The following COL20A1 variants were observed in gnomAD, a reference collection of about 807,000 sequenced individuals.
The protein encoded by COL20A1 is collagen alpha-1(XX) chain.
A neutral mutation model predicts 152.9 loss-of-function variants in COL20A1; 164 were observed. The ratio of observed to expected loss-of-function variants is 1.07; its 90% CI spans 0.94 to 1.22. The LOEUF (loss-of-function observed/expected upper bound fraction) is 1.22. Ranked by LOEUF, COL20A1 falls within the 50% of genes most tolerant of loss-of-function variation. The pLI is 0.00. For synonymous variants in COL20A1, 864 were observed against 756.0 expected (o/e 1.14, Z -2.34); for missense variants, 1,873 against 1,744.8 (o/e 1.07, Z -1.31).
Position 63,333,361 on chromosome 20 carries a change from G to T in COL20A1, c.*2645G>T, listed in dbSNP as rs1273202835. 2 of 152,356 alleles carry T rather than the reference G, an allele frequency of 1.3e-5. No homozygotes were observed. The highest frequency in any genetic ancestry group is 2.9e-5 in the Non-Finnish European group (2 of 68,182). The allele number at this position is 152,356 out of a possible 1,614,324, so 9.4% of individuals were successfully genotyped here. On this transcript the variant is annotated 3_prime_UTR_variant, in exon 36 of 36. Transcript: ENST00000358894. ...TGACGCAAGGCTGATCTGACGCTCAGCTCAGGCCGCTGGGGTCATGGGGGT... is the reference window on the plus strand; with the variant it reads ...TGACGCAAGGCTGATCTGACGCTCATCTCAGGCCGCTGGGGTCATGGGGGT...
rs565623238 is a variant in COL20A1 at position 63,308,067 on chromosome 20, A to G, written c.752A>G (p.Tyr251Cys). The G allele has an allele frequency of 6.8e-6, 11 of 1,612,354 alleles. No homozygotes were observed. In the East Asian group the frequency reaches 2.2e-4, roughly 33 times the overall value. The change falls in exon 7 of 36, where the codon TAC becomes TGC. Residue 251 changes from tyrosine to cysteine, a missense_variant. Coordinates refer to ENST00000358894, the MANE Select transcript of COL20A1 (RefSeq NM_020882.4). ...QVLAAVRRLR[Y>C]KGGNTFTGLA... ...CTGGCAGCTGTGCGCCGCCTCCGCT[A>G]CAAGGGGGGGAACACGTTCACAGGT...
Position 63,320,347 on chromosome 20 carries a change from G to A in COL20A1, c.3132G>A (p.Arg1044=), listed in dbSNP as rs1027117308. 1.8e-5 allele frequency: 29 copies of A among 1,611,238 alleles called. No individual in the cohort carries two copies. Among genetic ancestry groups the A allele is most frequent in the Non-Finnish European group, 2.3e-5 (27 of 1,179,832 alleles). ...GTGACACCTGGGCCGATGAGGACCG[G>A]TGCTGTGAGCTCCCTGCCTCGGTGT... ...VCSDTWADED[R]CCELPASRDG... Residue 1044 remains arginine, a synonymous_variant, in exon 25 of 36, where the codon CGG becomes CGA. Coordinates refer to ENST00000358894, the MANE Select transcript of COL20A1 (RefSeq NM_020882.4).
Position 63,305,950 on chromosome 20 carries a change from C to A in COL20A1, c.407C>A (p.Pro136His), listed in dbSNP as rs769049462. 1.2e-6 allele frequency: 2 copies of A among 1,612,434 alleles called. No individual in the cohort carries two copies. Among genetic ancestry groups the A allele is most frequent in the South Asian group, 1.1e-5 (1 of 91,068 alleles). ...CCCCTCGGCTCTGGAGCCCCGGAGCCCACCCCCTCCCACACGGGGAGCCCA... is the reference window on the plus strand; with the variant it reads ...CCCCTCGGCTCTGGAGCCCCGGAGCACACCCCCTCCCACACGGGGAGCCCA... ...QRPLGSGAPE[P>H]TPSHTGSPDP... The change falls in exon 5 of 36, where the codon CCC becomes CAC. Residue 136 changes from proline (P) to histidine (H), a missense_variant. Coordinates refer to ENST00000358894, the MANE Select transcript of COL20A1 (RefSeq NM_020882.4). This position sits in a 1 kb window ranked among gnomAD's most constrained non-coding sequence, Gnocchi z 4.9.
chr20:63,316,268 AT>A (rs2123413936), intron 20 of COL20A1, among the ~76,000 whole-genome samples: 1 of 152,074 alleles, frequency 6.6e-6, no homozygotes, highest in African/African-American at 2.4e-5. Flanking sequence ...GAAGCTGGGC[AT>A]TTGGCCCAGT....
At position 63,313,063 on chromosome 20, in the gene COL20A1, C is replaced by G. The variant is rs1383129500; in HGVS notation, c.2077-54C>G. The G allele has an allele frequency of 3.8e-6, 6 of 1,573,090 alleles. No homozygotes were observed. Among genetic ancestry groups the G allele is most frequent in the Non-Finnish European group, 5.2e-6 (6 of 1,159,438 alleles). On this transcript the variant is annotated intron_variant, in intron 16 of 35. Transcript: ENST00000358894. This position sits in a 1 kb window ranked among gnomAD's most constrained non-coding sequence, Gnocchi z 5.9. Reference sequence around the variant, plus strand: ...CAGGGATGCCTCACTGCCCGGCCCCCCAACCTGAGGACCCCACTGCACCCG... The same window carrying G: ...CAGGGATGCCTCACTGCCCGGCCCCGCAACCTGAGGACCCCACTGCACCCG...
In COL20A1 at chr20:63,306,338, G is replaced by A. The variant is rs1340653858; in HGVS notation, c.496+299G>A. On this transcript the variant is annotated intron_variant, in intron 5 of 35. Transcript: ENST00000358894. The surrounding 1 kb of genome is among the most constrained non-coding windows in gnomAD (Gnocchi z 6.9). ...AGTTCTTCCTCGTGTCTGACCACAC[G>A]GTCTCTGACCACGAGGCCGGGAAGT... 6.8e-6 allele frequency among the ~76,000 whole-genome samples: 1 copy of A among 147,858 alleles called. No homozygotes were observed. The highest frequency in any genetic ancestry group is 1.5e-5 in the Non-Finnish European group (1 of 66,810).
intron 3 of COL20A1, among the ~76,000 whole-genome samples, chr20:63,301,731 G>A (rs1043404422): frequency 6.6e-6 from 1 of 152,036 alleles, no homozygotes; most frequent in South Asian, 2.1e-4. Context: ...GCTTCACCAG[G>A]TAGTGTTTGC....
At position 63,319,726 on chromosome 20, in the gene COL20A1, C is replaced by T. The variant is rs1369076217; in HGVS notation, c.2916+130C>T. 1.1e-5 allele frequency: 7 copies of T among 646,500 alleles called. No individual in the cohort carries two copies. Among genetic ancestry groups the T allele is most frequent in the Admixed American group, 5.4e-5 (2 of 37,170 alleles). 40.0% of individuals were successfully genotyped at this position (646,500 alleles called of 1,614,324 possible). A position where few individuals can be genotyped will look rare whatever the true frequency, so the allele number is the denominator to read the frequency against. ...ACCTTCCTTGGGAGGGAACATTGAC[C>T]TGGGGCTCTGTTCCTCTACCCCAGC... is the stretch of plus-strand genomic sequence containing the variant. On this transcript the variant is annotated intron_variant, in intron 23 of 35. Transcript: ENST00000358894. The surrounding 1 kb of genome is among the most constrained non-coding windows in gnomAD (Gnocchi z 4.4).
Position 63,325,668 on chromosome 20 carries a change from G to T in COL20A1, c.3349G>T (p.Gly1117Cys), listed in dbSNP as rs773114026. ...GGCCGGCCCCTCTGTTCTCTCCCAG[G>T]GCCACCCCGGCCACCAGGGCATCCC... ...KGDHGLPGLQ[G>C]HPGHQGIPGR... is the part of the protein sequence containing the mutation. Residue 1117 changes from glycine (G) to cysteine (C), a missense_variant and splice_region_variant, in exon 29 of 36, where the codon GGC (glycine) becomes TGC (cysteine). Coordinates refer to ENST00000358894, the MANE Select transcript of COL20A1 (RefSeq NM_020882.4). 8 of 1,608,830 alleles carry T rather than the reference G, an allele frequency of 5.0e-6. No homozygotes were observed. The highest frequency in any genetic ancestry group is 5.9e-6 in the Non-Finnish European group (7 of 1,178,648).
chr20:63,304,139 C>G (rs1283521983), intron 3 of COL20A1, among the ~76,000 whole-genome samples: 19 of 141,674 alleles, frequency 1.3e-4, no homozygotes, highest in Admixed American at 2.8e-4. Flanking sequence ...TCTTCTCCCT[C>G]CAGGTGTGCA....
intron 3 of COL20A1, among the ~76,000 whole-genome samples, chr20:63,301,711 T>G (rs2067864965): frequency 1.3e-5 from 2 of 152,226 alleles, no homozygotes; most frequent in Admixed American, 6.5e-5. Context: ...TTACTTGTGA[T>G]GGTACTATTG....
rs902759833 is a variant in COL20A1, at chr20:63,313,304, G to A, written c.2209+55G>A. The A allele has an allele frequency of 1.9e-6, 3 of 1,550,452 alleles. No individual in the cohort carries two copies. Among genetic ancestry groups the A allele is most frequent in the East Asian group, 4.5e-5 (2 of 44,038 alleles). ...GGTGTGGGGCAGGGATGGCCCAGGG[G>A]ATCCCTGACTCACCCGCTGCACAGG... On this transcript the variant is annotated intron_variant, in intron 17 of 35. Transcript: ENST00000358894. The surrounding 1 kb of genome is among the most constrained non-coding windows in gnomAD (Gnocchi z 5.9).
rs769320416 is a variant in COL20A1, at chr20:63,308,559, G to T, written c.793G>T (p.Val265Leu). The change falls in exon 8 of 36, where the codon GTG (valine) becomes TTG (leucine). Residue 265 changes from valine to leucine, a missense_variant. Coordinates refer to ENST00000358894, the MANE Select transcript of COL20A1 (RefSeq NM_020882.4). ...CTCCCAAGGCCTTGCCCTGACCCAC[G>T]TGCTGGGGCAGAACCTGCAGCCGGC... ...NTFTGLALTH[V>L]LGQNLQPAAG... The T allele has an allele frequency of 1.2e-6, 2 of 1,603,098 alleles. No homozygotes were observed. The highest frequency in any genetic ancestry group is 1.7e-6 in the Non-Finnish European group (2 of 1,175,508).
rs374690414 is a variant in COL20A1 at position 63,333,628 on chromosome 20, G to C, written c.*2912G>C. 1.3e-5 allele frequency: 2 copies of C among 152,286 alleles called. No homozygotes were observed. The highest frequency in any genetic ancestry group is 2.1e-4 in the South Asian group (1 of 4,828). The allele number at this position is 152,286 out of a possible 1,614,324, so 9.4% of individuals were successfully genotyped here. ...AGAACGGCTCAGTGATGAGCTCAGA[G>C]GGAGGGGTGGGCACAGCGCCCAGGA... On this transcript the variant is annotated 3_prime_UTR_variant, in exon 36 of 36. Transcript: ENST00000358894.
rs2067944073 is a variant in COL20A1, at chr20:63,307,617, C to G, written c.624C>G (p.Pro208=). ...VKDFLASVIA[P]FEIGPDKVQV... is the part of the protein sequence containing the mutation. ...ACTTCCTGGCCAGTGTCATCGCACCCTTTGAAATCGGGCCGGATAAGGTCC... is the reference window on the plus strand; with the variant it reads ...ACTTCCTGGCCAGTGTCATCGCACCGTTTGAAATCGGGCCGGATAAGGTCC... The change falls in exon 6 of 36, where the codon CCC becomes CCG. Residue 208 remains proline (P), a synonymous_variant. Transcript: ENST00000358894. 8 of 1,612,576 alleles carry G rather than the reference C, an allele frequency of 5.0e-6. No homozygotes were observed. Among genetic ancestry groups the G allele is most frequent in the Non-Finnish European group, 6.8e-6 (8 of 1,179,708 alleles).
Position 63,312,569 on chromosome 20 carries a change from G to T in COL20A1, c.1933+20G>T, listed in dbSNP as rs764817348. 2 of 1,554,700 alleles carry T rather than the reference G, an allele frequency of 1.3e-6. No homozygotes were observed. The highest frequency in any genetic ancestry group is 4.5e-5 in the East Asian group (2 of 44,376). ...CCACCAGTGAGTGGGGAGAGGCTGG[G>T]GCTGGGGGTCCAGCAGGGTTTCTGT... On this transcript the variant is annotated intron_variant, in intron 15 of 35. Transcript: ENST00000358894.
At chr20:63,293,901 C>T (rs539534574) in intron 1 of COL20A1, among the ~76,000 whole-genome samples, 21 of 73,346 alleles carry the variant, frequency 2.9e-4, no homozygotes, top group Admixed American at 1.2e-3. Flanking sequence ...GGTCTCTGTT[C>T]GGCTGCAGGG....
Position 63,316,606 on chromosome 20 carries a change from CGG to C in COL20A1, c.2581_2582del (p.Gly861ArgfsTer28), listed in dbSNP as rs1568780386. 2 of 1,584,310 alleles carry C rather than the reference CGG, an allele frequency of 1.3e-6. No individual in the cohort carries two copies. Among genetic ancestry groups the C allele is most frequent in the Non-Finnish European group, 1.7e-6 (2 of 1,165,486 alleles). On this transcript the variant is annotated frameshift_variant, in exon 21 of 36. Transcript: ENST00000358894. LOFTEE classifies it high-confidence loss of function. Reference sequence around the variant, plus strand: ...GGTGGAAAAGGCTTATGCGTCCATCCGGGGCGTGGCCATGGAGCCCTCTGCCT... The same window carrying C: ...GGTGGAAAAGGCTTATGCGTCCATCCGGCGTGGCCATGGAGCCCTCTGCCT... ...SLVEKAYASI[R>X]GVAMEPSAFG...
chr20:63,306,059 G>A lies in COL20A1; in HGVS notation c.496+20G>A. ...CTCCTGGTGGGTCAGAGTGGAGAGAGAGTAAGTCTCCGGGGAGGGAGTGAC... is the reference window on the plus strand; with the variant it reads ...CTCCTGGTGGGTCAGAGTGGAGAGAAAGTAAGTCTCCGGGGAGGGAGTGAC... On this transcript the variant is annotated intron_variant, in intron 5 of 35. Transcript: ENST00000358894. This position sits in a 1 kb window ranked among gnomAD's most constrained non-coding sequence, Gnocchi z 6.9. 1 of 1,573,740 alleles carries A rather than the reference G, an allele frequency of 6.4e-7. No individual in the cohort carries two copies. The highest frequency in any genetic ancestry group is 1.4e-5 in the African/African-American group (1 of 73,342).
Sources: gnomAD v4.1 joint callset for allele counts (sites outside exome capture counted in the v4.1 genomes callset) on GRCh38, gnomAD v4.1.1 for gene constraint, Gnocchi (gnomAD v3.1) non-coding constraint, MANE v1.5 for transcripts, NCBI Gene and HGNC (gene_info 2026-07-23, HGNC 2026-07-21) for gene names.